Variants in LUC7L observed in about 807,000 individuals in gnomAD.
The protein encoded by LUC7L is putative RNA-binding protein Luc7-like 1.
In LUC7L, 29 loss-of-function variants were observed where a neutral mutation model predicts 51.1. The observed-to-expected ratio is 0.57, with a 90% CI of 0.42 to 0.77. The LOEUF is 0.77. Ranked by LOEUF, LUC7L falls within the 30% of genes least tolerant of loss-of-function variation. The pLI, the probability that LUC7L is intolerant of heterozygous loss-of-function variation, is 0.00. For missense variants in LUC7L, 403 were observed against 511.9 expected (o/e 0.79, Z 2.05); for synonymous variants, 181 against 180.7 (o/e 1.00, Z -0.01).
rs753236892 is a variant in LUC7L at position 190,582 on chromosome 16, A to G, written c.777-12T>C. On this transcript the variant is annotated splice_polypyrimidine_tract_variant and intron_variant, in intron 7 of 9. Transcript: ENST00000293872. The stretch of plus-strand genomic sequence containing the variant: ...TTCTTGATCCCGACCTAAAAGGGGG[A>G]AAAAAAGATGAACAAGGCCAGGCAT... The G allele has an allele frequency of 6.8e-6, 11 of 1,606,396 alleles. No individual in the cohort carries two copies. Among genetic ancestry groups the G allele is most frequent in the South Asian group, 4.4e-5 (4 of 90,796 alleles).
At chr16:191,346 G>A (rs993223993) in intron 7 of LUC7L, among the ~76,000 whole-genome samples, 3 of 152,140 alleles carry the variant, frequency 2.0e-5, no homozygotes, top group African/African-American at 7.2e-5. Context: ...ACAACCAAGA[G>A]GCTGAAAAAG....
At chr16:200,577 G>GAA (rs952567652) in intron 5 of LUC7L, among the ~76,000 whole-genome samples, 2 of 144,256 alleles carry the variant, frequency 1.4e-5, no homozygotes, top group African/African-American at 5.1e-5. Flanking sequence ...CTCCAAAAAG[G>GAA]AAAAAAAAAA....
intron 5 of LUC7L, among the ~76,000 whole-genome samples, chr16:201,071 G>A (rs553783289): frequency 1.3e-5 from 2 of 150,442 alleles, no homozygotes; most frequent in South Asian, 4.2e-4. Flanking sequence ...TCGGGAGGCT[G>A]AGTCTGAGAA....
At chr16:216,472 T>C (rs2049804125) in intron 3 of LUC7L, among the ~76,000 whole-genome samples, 1 of 141,286 alleles carries the variant, frequency 7.1e-6, no homozygotes, top group African/African-American at 2.7e-5. Flanking sequence ...AACCTCCGCC[T>C]CCTGGGTTCC....
In LUC7L at chr16:204,234, A is replaced by C. The variant is rs887938147; in HGVS notation, c.510+1770T>G. 2.0e-5 allele frequency among the ~76,000 whole-genome samples: 3 copies of C among 151,906 alleles called. No individual in the cohort carries two copies. The East Asian group carries it at 5.8e-4, about 29-fold the overall frequency. The stretch of plus-strand genomic sequence containing the variant: ...CAAGGCAGACGGATCACCTGAGGTC[A>C]GAAGTTTGAGACCAGCTTGGCCAAC... On this transcript the variant is annotated intron_variant, in intron 5 of 9. Coordinates refer to ENST00000293872, the MANE Select transcript of LUC7L (RefSeq NM_201412.3).
chr16:217,401 T>C (rs2049834152), intron 3 of LUC7L, among the ~76,000 whole-genome samples: 1 of 152,230 alleles, frequency 6.6e-6, no homozygotes, highest in Non-Finnish European at 1.5e-5. Context: ...ACCTATTATG[T>C]AGCCACAACA....
intron 4 of LUC7L, among the ~76,000 whole-genome samples, chr16:207,715 T>C (rs1051686990): frequency 2.6e-5 from 4 of 152,118 alleles, no homozygotes; most frequent in African/African-American, 9.7e-5. Context: ...GGTCAGTTAA[T>C]AGCTATTGAC....
intron 5 of LUC7L, 114 bp downstream of exon 5, chr16:205,890 A>G: frequency 7.6e-7 from 1 of 1,312,134 alleles, no homozygotes; most frequent in African/African-American, 1.5e-5. Flanking sequence ...TGCTGGGCCC[A>G]AAATGTATAA....
In LUC7L at chr16:227,237, C is replaced by T; in HGVS notation, c.156+5G>A. 1 of 1,611,902 alleles carries T rather than the reference C, an allele frequency of 6.2e-7. No homozygotes were observed. Among genetic ancestry groups the T allele is most frequent in the Non-Finnish European group, 8.5e-7 (1 of 1,178,766 alleles). On this transcript the variant is annotated splice_donor_5th_base_variant and intron_variant, in intron 2 of 9. Coordinates refer to ENST00000293872, the MANE Select transcript of LUC7L (RefSeq NM_201412.3). The stretch of plus-strand genomic sequence containing the variant: ...GTTCCATGAGGTCCCCCAAAATGCA[C>T]CTACCGTCCCAGCCAGGATGTCATG...
At chr16:212,448 G>C (rs964191627) in intron 3 of LUC7L, among the ~76,000 whole-genome samples, 2 of 152,126 alleles carry the variant, frequency 1.3e-5, no homozygotes, top group African/African-American at 2.4e-5. Context: ...TCACAAATCT[G>C]AGGCAGCCAT....
chr16:217,253 G>A (rs1285128900), intron 3 of LUC7L, among the ~76,000 whole-genome samples: 1 of 151,952 alleles, frequency 6.6e-6, no homozygotes, highest in Non-Finnish European at 1.5e-5. Flanking sequence ...CCGACCTCAG[G>A]TGATCCACCC....
chr16:201,921 T>G (rs1303902438), intron 5 of LUC7L, among the ~76,000 whole-genome samples: 1 of 151,766 alleles, frequency 6.6e-6, no homozygotes, highest in Non-Finnish European at 1.5e-5. Flanking sequence ...TTTTTATACT[T>G]TTAGTAGAAA....
intron 2 of LUC7L, among the ~76,000 whole-genome samples, chr16:225,228 C>T (rs1596689184): frequency 1.3e-5 from 2 of 152,078 alleles, no homozygotes; most frequent in African/African-American, 2.4e-5. Context: ...TGTCTCATGC[C>T]TGTAATCTCA....
chr16:223,761 C>A (rs1377362703), intron 2 of LUC7L, among the ~76,000 whole-genome samples: 2 of 151,950 alleles, frequency 1.3e-5, no homozygotes, highest in Non-Finnish European at 2.9e-5. Flanking sequence ...CCTCTGCCTC[C>A]CAGATTCAAG....
rs1157301850 is a variant in LUC7L, at chr16:196,433, AAAC to A, written c.687+2626_687+2628del. Among the ~76,000 whole-genome samples the A allele has an allele frequency of 3.6e-4, 55 of 152,150 alleles. No individual in the cohort carries two copies. In the East Asian group the frequency reaches 3.9e-3, roughly 11 times the overall value. ...AAACAAACAAACAAACAAACAAAAA[AAAC>A]CCAACAACTACAGTAGGACAAAATT... On this transcript the variant is annotated intron_variant, in intron 6 of 9. Coordinates refer to ENST00000293872, the MANE Select transcript of LUC7L (RefSeq NM_201412.3).
intron 6 of LUC7L, among the ~76,000 whole-genome samples, chr16:193,400 C>T (rs910502884): frequency 4.6e-5 from 7 of 152,132 alleles, no homozygotes; most frequent in African/African-American, 1.7e-4. Context: ...CTGCCTCAGC[C>T]TCCCAAAGTG....
At position 189,025 on chromosome 16, in the gene LUC7L, A is replaced by T; in HGVS notation, c.*173T>A. The T allele has an allele frequency of 1.4e-6, 1 of 695,186 alleles. No homozygotes were observed. The highest frequency in any genetic ancestry group is 2.6e-5 in the East Asian group (1 of 38,958). 43.1% of individuals were successfully genotyped at this position (695,186 alleles called of 1,614,324 possible). A position where few individuals can be genotyped will look rare whatever the true frequency, so the allele number is the denominator to read the frequency against. Reference sequence around the variant, plus strand: ...GCATCAGATTTATTTATTCCTACTCAACATGACCCGGGAACACAGGAGCAA... The same window carrying T: ...GCATCAGATTTATTTATTCCTACTCTACATGACCCGGGAACACAGGAGCAA... On this transcript the variant is annotated 3_prime_UTR_variant, in exon 10 of 10. Transcript: ENST00000293872.
intron 6 of LUC7L, 36 bp downstream of exon 6, chr16:199,026 G>C (rs754482957): frequency 1.3e-6 from 2 of 1,560,000 alleles, no homozygotes; most frequent in South Asian, 2.4e-5. Context: ...AACACCCCAA[G>C]ACTCCTCAGC....
At chr16:216,702 C>G (rs762019469) in intron 3 of LUC7L, among the ~76,000 whole-genome samples, 1 of 152,010 alleles carries the variant, frequency 6.6e-6, no homozygotes, top group Non-Finnish European at 1.5e-5. Flanking sequence ...TATGAGCCCC[C>G]TGTAAGGTCA....
Sources: gnomAD v4.1 joint callset for allele counts (sites outside exome capture counted in the v4.1 genomes callset) on GRCh38, gnomAD v4.1.1 for gene constraint, MANE v1.5 for transcripts, NCBI Gene and HGNC (gene_info 2026-07-23, HGNC 2026-07-21) for gene names.